Variants in PPP2R2C observed in about 807,000 individuals in gnomAD.
The protein encoded by PPP2R2C is protein phosphatase 2, regulatory subunit B, gamma.
In PPP2R2C, 10 loss-of-function variants were observed where a neutral mutation model predicts 45.3. That is an observed-to-expected ratio of 0.22 (90% CI 0.14 to 0.37). The LOEUF (loss-of-function observed/expected upper bound fraction) is 0.37. PPP2R2C is among the 10% of genes least tolerant of loss of function. PPP2R2C has a pLI of 1.00. For missense variants in PPP2R2C, 308 were observed against 619.7 expected, an observed-to-expected ratio of 0.50 and a Z score of 5.34; for synonymous variants, 257 against 245.4, an observed-to-expected ratio of 1.05 and a Z score of -0.44.
At chr4:6,348,157 C>T (rs1049737490) in intron 5 of PPP2R2C, 147 bp from the exon 6 acceptor site, 1 of 900,810 alleles carries the variant, frequency 1.1e-6, no homozygotes, top group Non-Finnish European at 1.7e-6. Context: ...CAAAATGCGT[C>T]CCCCTGAGCT....
chr4:6,394,988 C>A (rs1716923129), intron 1 of PPP2R2C, among the ~76,000 whole-genome samples: 1 of 152,274 alleles, frequency 6.6e-6, no homozygotes, highest in South Asian at 2.1e-4. Flanking sequence ...GAGCCAGCAG[C>A]CCCCCTCCGC....
chr4:6,351,875 C>T (rs532425491), intron 5 of PPP2R2C, among the ~76,000 whole-genome samples: 58 of 152,302 alleles, frequency 3.8e-4, no homozygotes, highest in Non-Finnish European at 2.9e-5. Flanking sequence ...TCTCCAAGAC[C>T]TTGGCTCAGG....
rs111601720 is a variant in PPP2R2C, at chr4:6,509,856, C to T, written c.49+25415G>A. Among the ~76,000 whole-genome samples, 750 of 152,358 alleles carry T rather than the reference C, an allele frequency of 4.9e-3. 4 individuals are homozygous for T. The highest frequency in any genetic ancestry group is 0.017 in the African/African-American group (694 of 41,584). ...CTGGGCTGTCACAAGGCCGACTCCACGCAATGCACATGAGCAGTAAGTGCA... is the reference window on the plus strand; with the variant it reads ...CTGGGCTGTCACAAGGCCGACTCCATGCAATGCACATGAGCAGTAAGTGCA... On this transcript the variant is annotated intron_variant, in intron 2 of 9. Coordinates refer to the PPP2R2C transcript ENST00000506140.
At position 6,329,702 on chromosome 4, in the gene PPP2R2C, G is replaced by A. The variant is rs547868121; in HGVS notation, c.961-349C>T. On this transcript the variant is annotated intron_variant, in intron 7 of 8. Coordinates refer to ENST00000382599, the MANE Select transcript of PPP2R2C (RefSeq NM_020416.4). The surrounding 1 kb of genome is among the most constrained non-coding windows in gnomAD (Gnocchi z 5.8). ...ATCGGGGGCCCACGACCAGGCACAC[G>A]GCTGACCTCTGAGCTGTGGCCAGAG... Among the ~76,000 whole-genome samples, 179 of 152,028 alleles carry A rather than the reference G, an allele frequency of 1.2e-3. 1 individual carries two copies. The highest frequency in any genetic ancestry group is 4.1e-3 in the African/African-American group (169 of 41,378).
chr4:6,474,078 G>A (rs4234743), upstream of PPP2R2C, among the ~76,000 whole-genome samples: 145,419 of 152,240 alleles, frequency 0.96, 69,818 homozygotes, highest in East Asian at 1. Context: ...TGCAAGGGCC[G>A]GAAGGATGTG....
Position 6,333,743 on chromosome 4 carries a change from G to A in PPP2R2C, c.791-12C>T, listed in dbSNP as rs763103499. The A allele has an allele frequency of 8.7e-6, 14 of 1,613,858 alleles. 1 individual carries two copies. The Admixed American group carries it at 2.3e-4, about 27-fold the overall frequency. ...AGGCTCTTCAAAGACTGTGGAGACA[G>A]AGAAGCAATGGCCGTCACTGCGCTG... On this transcript the variant is annotated splice_polypyrimidine_tract_variant and intron_variant, in intron 6 of 8. Transcript: ENST00000382599.
chr4:6,534,514 T>C (rs1724529896), intron 2 of PPP2R2C, among the ~76,000 whole-genome samples: 1 of 148,832 alleles, frequency 6.7e-6, no homozygotes. Context: ...ACAGCACACA[T>C]ACATCAATAA....
At chr4:6,524,819 T>C (rs942973579) in intron 2 of PPP2R2C, among the ~76,000 whole-genome samples, 2 of 152,228 alleles carry the variant, frequency 1.3e-5, no homozygotes, top group African/African-American at 2.4e-5. Context: ...CCGGGCACAG[T>C]GGCTCACACC....
intron 1 of PPP2R2C, among the ~76,000 whole-genome samples, chr4:6,544,842 T>C (rs73796246): frequency 0.024 from 3,654 of 152,328 alleles, 162 homozygotes; most frequent in African/African-American, 0.083. Context: ...AATGCTACAA[T>C]TGGAAAACAA....
intron 1 of PPP2R2C, among the ~76,000 whole-genome samples, chr4:6,443,537 A>C (rs975902601): frequency 6.6e-6 from 1 of 152,108 alleles, no homozygotes; most frequent in Non-Finnish European, 1.5e-5. Context: ...CTGCCGCAAC[A>C]TTCAGCTGGA....
intron 2 of PPP2R2C, among the ~76,000 whole-genome samples, chr4:6,512,745 G>A (rs945412918): frequency 1.4e-4 from 22 of 151,770 alleles, no homozygotes; most frequent in Non-Finnish European, 2.9e-4. Flanking sequence ...TGGCAGTGAG[G>A]ATAAGACCTC....
At chr4:6,559,060 G>A (rs1008686017) in intron 1 of PPP2R2C, among the ~76,000 whole-genome samples, 2 of 152,246 alleles carry the variant, frequency 1.3e-5, no homozygotes, top group African/African-American at 4.8e-5. Context: ...ACACTGCGCT[G>A]AGACAGGGGC....
intron 1 of PPP2R2C, among the ~76,000 whole-genome samples, chr4:6,468,853 T>A (rs889586618): frequency 7.2e-5 from 11 of 151,796 alleles, no homozygotes; most frequent in Non-Finnish European, 1.5e-4. Context: ...TGGAACCATA[T>A]CCAGCTCTTG....
chr4:6,558,389 C>A (rs990764991), intron 1 of PPP2R2C, among the ~76,000 whole-genome samples: 5 of 152,162 alleles, frequency 3.3e-5, no homozygotes, highest in Admixed American at 6.5e-5. Context: ...CATGCAAGGT[C>A]AAGGAGAAGC....
At chr4:6,534,737 G>A (rs1178454198) in intron 2 of PPP2R2C, among the ~76,000 whole-genome samples, 1 of 152,136 alleles carries the variant, frequency 6.6e-6, no homozygotes, top group Non-Finnish European at 1.5e-5. Context: ...GTACTTCGCA[G>A]TGACAACCCC....
intron 1 of PPP2R2C, among the ~76,000 whole-genome samples, chr4:6,414,902 T>A (rs1251187601): frequency 6.6e-6 from 1 of 152,210 alleles, no homozygotes; most frequent in Non-Finnish European, 1.5e-5. Context: ...CCACATGTGC[T>A]TAGTTTTCCT....
intron 1 of PPP2R2C, among the ~76,000 whole-genome samples, chr4:6,542,640 G>T (rs1020831922): frequency 1.4e-5 from 2 of 145,082 alleles, no homozygotes; most frequent in East Asian, 4.1e-4. Context: ...GGAGGCAAAG[G>T]TTGCAGTGAG....
At chr4:6,360,585 A>G (rs1026621137) in intron 5 of PPP2R2C, among the ~76,000 whole-genome samples, 2 of 152,202 alleles carry the variant, frequency 1.3e-5, no homozygotes, top group African/African-American at 2.4e-5. Flanking sequence ...GGACTCACGC[A>G]TGAGCTCACC....
intron 2 of PPP2R2C, among the ~76,000 whole-genome samples, chr4:6,532,955 G>C (rs1046858124): frequency 6.6e-5 from 10 of 152,190 alleles, no homozygotes; most frequent in Admixed American, 5.9e-4. Flanking sequence ...CTCAACACAG[G>C]GGGTACTGCA....
Sources: allele counts gnomAD v4.1 joint callset (sites outside exome capture counted in the v4.1 genomes callset), GRCh38; gene constraint gnomAD v4.1.1; non-coding constraint Gnocchi (gnomAD v3.1); transcripts MANE v1.5; gene names NCBI Gene and HGNC (gene_info 2026-07-23, HGNC 2026-07-21).